PRSS12: variants seen among roughly 807,000 people sequenced by gnomAD.
PRSS12 encodes serine protease 12.
In PRSS12, 85 loss-of-function variants were observed where a neutral mutation model predicts 104.4. The ratio of observed to expected loss-of-function variants is 0.81; its 90% CI spans 0.68 to 0.98. PRSS12 has a LOEUF of 0.98. PRSS12 is among the 50% of genes least tolerant of loss of function. The pLI is 0.00. For synonymous variants in PRSS12, 454 were observed against 425.2 expected (o/e 1.07, Z -0.83); for missense variants, 1,141 against 1,139.2 (o/e 1.00, Z -0.02).
At chr4:118,308,608 C>T in intron 7 of PRSS12, 31 bp from the exon 8 acceptor site, 2 of 1,611,630 alleles carry the variant, frequency 1.2e-6, no homozygotes, top group Non-Finnish European at 8.5e-7. Flanking sequence ...ATTAGAACAG[C>T]CCAAACATGC....
rs756346330 is a variant in PRSS12, at chr4:118,318,439, G to A, written c.1089C>T (p.Ser363=). The A allele has an allele frequency of 1.2e-6, 2 of 1,614,076 alleles. No homozygotes were observed. The highest frequency in any genetic ancestry group is 1.7e-6 in the Non-Finnish European group (2 of 1,179,992). The change falls in exon 5 of 13, where the codon TCC becomes TCT. Residue 363 remains serine, a synonymous_variant. Transcript: ENST00000296498. ...TATGGCCACAGTTATGCTCTCCCCA[G>A]GAGCTCTTTGGACACTGCTCAATTG... ...ELSIEQCPKS[S]WGEHNCGHKE... is the part of the protein sequence containing the mutation.
rs143141472 is a variant in PRSS12 at position 118,302,064 on chromosome 4, G to A, written c.1632-3126C>T. On this transcript the variant is annotated intron_variant, in intron 8 of 12. Transcript: ENST00000296498. ...ATTTTGTTCTCAGCTTCCTAAGAAG[G>A]AATGTTGATTTTATCATATAACTTT... is the stretch of plus-strand genomic sequence containing the variant. Among the ~76,000 whole-genome samples the A allele has an allele frequency of 6.1e-3, 932 of 152,154 alleles. 6 individuals are homozygous for A. Among genetic ancestry groups the A allele is most frequent in the South Asian group, 0.011 (52 of 4,808 alleles).
intron 1 of PRSS12, among the ~76,000 whole-genome samples, chr4:118,346,761 G>A (rs1724366256): frequency 6.6e-6 from 1 of 152,140 alleles, no homozygotes; most frequent in African/African-American, 2.4e-5. Flanking sequence ...ATCAGCAGCA[G>A]CATTAGATTC....
intron 8 of PRSS12, among the ~76,000 whole-genome samples, chr4:118,307,367 T>C (rs747651050): frequency 1.4e-4 from 22 of 152,188 alleles, no homozygotes; most frequent in Non-Finnish European, 7.4e-5. Flanking sequence ...AAATGCTTTT[T>C]AAAATAAACA....
chr4:118,309,843 A>T (rs528945230), intron 7 of PRSS12, among the ~76,000 whole-genome samples: 10 of 152,350 alleles, frequency 6.6e-5, no homozygotes, highest in Non-Finnish European at 1.5e-4. Flanking sequence ...GTTAACTAAA[A>T]GAAAATATTG....
intron 4 of PRSS12, among the ~76,000 whole-genome samples, chr4:118,327,996 G>C (rs1723820225): frequency 6.6e-6 from 1 of 152,098 alleles, no homozygotes; most frequent in African/African-American, 2.4e-5. Flanking sequence ...GTTTCCCTGT[G>C]GGAATTCAAC....
rs1578949103 is a variant in PRSS12 at position 118,352,823 on chromosome 4, C to T, written c.-103G>A. 6.6e-7 allele frequency: 1 copy of T among 1,518,254 alleles called. No individual in the cohort carries two copies. Among genetic ancestry groups the T allele is most frequent in the East Asian group, 2.5e-5 (1 of 40,186 alleles). The allele number at this position is 1,518,254 out of a possible 1,614,324, so 94.0% of individuals were successfully genotyped here. A position where few individuals can be genotyped will look rare whatever the true frequency, so the allele number is the denominator to read the frequency against. ...GGGGCTGCCGCGTCCCTCGAATCCC[C>T]CAGCCCCCTCCCGCCCCCGCACGCG... is the stretch of plus-strand genomic sequence containing the variant. On this transcript the variant is annotated 5_prime_UTR_variant, in exon 1 of 13. Coordinates refer to ENST00000296498, the MANE Select transcript of PRSS12 (RefSeq NM_003619.4).
chr4:118,337,330 A>C lies in PRSS12; in HGVS notation c.641+846T>G, dbSNP rs3805196. The stretch of plus-strand genomic sequence containing the variant: ...CCTCTGGTGATAAAGGCCAAGAAAA[A>C]ACATATGTTAAGTGCGCTTAGAAAA... On this transcript the variant is annotated intron_variant, in intron 2 of 12. Coordinates refer to ENST00000296498, the MANE Select transcript of PRSS12 (RefSeq NM_003619.4). Among the ~76,000 whole-genome samples the C allele has an allele frequency of 6.1e-3, 922 of 152,336 alleles. 45 individuals are homozygous for C. In the East Asian group the frequency reaches 0.14, roughly 22 times the overall value.
At chr4:118,351,222 C>T (rs781396633) in intron 1 of PRSS12, among the ~76,000 whole-genome samples, 3 of 152,034 alleles carry the variant, frequency 2.0e-5, no homozygotes, top group East Asian at 1.9e-4. Context: ...GTACAAAGTA[C>T]AATATGATTC....
rs753349424 is a variant in PRSS12, at chr4:118,316,236, T to C, written c.1238A>G (p.Asp413Gly). The C allele has an allele frequency of 1.1e-4, 171 of 1,614,006 alleles. No homozygotes were observed. The Admixed American group carries it at 2.2e-3, about 21-fold the overall frequency. The change falls in exon 6 of 13, where the codon GAT becomes GGT. Residue 413 changes from aspartate (D) to glycine (G), a missense_variant. Coordinates refer to ENST00000296498, the MANE Select transcript of PRSS12 (RefSeq NM_003619.4). The part of the protein sequence containing the change: ...YYRGQWGTVC[D>G]DGWTELNTYV... ...TGTATTCAGCTCAGTCCAGCCATCA[T>C]CACAGACAGTTCCCCACTGGCCTCT...
At chr4:118,313,175 A>G in intron 7 of PRSS12, 26 bp downstream of exon 7, 1 of 1,610,608 alleles carries the variant, frequency 6.2e-7, no homozygotes, top group Non-Finnish European at 8.5e-7. Flanking sequence ...AATGATGGAA[A>G]CTTGAGAGCT....
intron 8 of PRSS12, among the ~76,000 whole-genome samples, chr4:118,305,582 A>C (rs1743527186): frequency 6.6e-6 from 1 of 151,804 alleles, no homozygotes; most frequent in South Asian, 2.1e-4. Flanking sequence ...ACCTCCAAAA[A>C]TTTCCTTGTG....
In PRSS12 at chr4:118,318,558, T is replaced by C. The variant is rs1406010271; in HGVS notation, c.972-2A>G. ...TGATGCCATGCTTTGGCAATGCCAC[T>C]GAACAAATAAAAGAATGTAAGGATT... On this transcript the variant is annotated splice_acceptor_variant, in intron 4 of 12. Coordinates refer to ENST00000296498, the MANE Select transcript of PRSS12 (RefSeq NM_003619.4). LOFTEE classifies it high-confidence loss of function. 1.9e-6 allele frequency: 3 copies of C among 1,613,508 alleles called. No individual in the cohort carries two copies. The highest frequency in any genetic ancestry group is 2.5e-6 in the Non-Finnish European group (3 of 1,179,776).
rs777563042 is a variant in PRSS12, at chr4:118,282,880, CCT to C, written c.2269_2270del (p.Arg757AlafsTer15). ...AACAGTTGGATGCTGTTTTCTGTGG[CCT>C]CTCTCTCCAGAGTGGTAAACAGGCT... ...LPACLPLWRERPQKTASNCYI... is the reference protein window; with the variant it reads ...LPACLPLWREXPQKTASNCYI... On this transcript the variant is annotated frameshift_variant, in exon 12 of 13. Transcript: ENST00000296498. LOFTEE classifies it high-confidence loss of function. 3.3e-5 allele frequency: 54 copies of C among 1,614,036 alleles called. No homozygotes were observed. The highest frequency in any genetic ancestry group is 1.6e-4 in the Middle Eastern group (1 of 6,074).
At chr4:118,346,248 G>A (rs566573392) in intron 1 of PRSS12, among the ~76,000 whole-genome samples, 23 of 152,160 alleles carry the variant, frequency 1.5e-4, no homozygotes, top group African/African-American at 3.9e-4. Flanking sequence ...TCTTGTAATA[G>A]GAACAATAAG....
intron 11 of PRSS12, among the ~76,000 whole-genome samples, chr4:118,285,701 A>C (rs554105383): frequency 4.6e-5 from 7 of 152,346 alleles, no homozygotes; most frequent in African/African-American, 1.7e-4. Flanking sequence ...AGATAATAAG[A>C]ATATTAAATA....
chr4:118,307,441 A>G (rs1328167599), intron 8 of PRSS12, among the ~76,000 whole-genome samples: 1 of 152,236 alleles, frequency 6.6e-6, no homozygotes, highest in Non-Finnish European at 1.5e-5. Flanking sequence ...CAGATATATA[A>G]TTAAGGATAT....
chr4:118,305,566 T>A (rs1036789832), intron 8 of PRSS12, among the ~76,000 whole-genome samples: 2 of 152,142 alleles, frequency 1.3e-5, no homozygotes, highest in South Asian at 2.1e-4. Context: ...GCTAAATATA[T>A]CCATCACCTC....
chr4:118,309,993 G>A (rs926883151), intron 7 of PRSS12, among the ~76,000 whole-genome samples: 1 of 152,082 alleles, frequency 6.6e-6, no homozygotes, highest in African/African-American at 2.4e-5. Context: ...GCAGTATAGC[G>A]GAATCACAGA....
Sources: gnomAD v4.1 joint callset for allele counts (sites outside exome capture counted in the v4.1 genomes callset) on GRCh38, gnomAD v4.1.1 for gene constraint, MANE v1.5 for transcripts, NCBI Gene and HGNC (gene_info 2026-07-23, HGNC 2026-07-21) for gene names.